The following PKN2 variants were observed in gnomAD, a reference collection of about 807,000 sequenced individuals.
PKN2 encodes the protein serine/threonine-protein kinase N2.
Under a neutral mutation model 119.1 loss-of-function variants are expected in PKN2, and 38 were observed. That is an observed-to-expected ratio of 0.32 (90% CI 0.25 to 0.42). PKN2 has a LOEUF of 0.42. PKN2 is among the 10% of genes least tolerant of loss of function. The pLI is 1.00. For missense variants in PKN2, 850 were observed against 1,165.1 expected (o/e 0.73, Z 3.94); for synonymous variants, 390 against 384.9 (o/e 1.01, Z -0.15).
chr1:88,805,346 C>T (rs2100875086), intron 10 of PKN2, 151 bp from the exon 11 acceptor site: 2 of 614,170 alleles, frequency 3.3e-6, no homozygotes, highest in Non-Finnish European at 2.7e-6. Flanking sequence ...TTAGCCTTTA[C>T]TAGCAAATAG....
chr1:88,770,857 T>C (rs975632447), intron 4 of PKN2, among the ~76,000 whole-genome samples: 20 of 151,034 alleles, frequency 1.3e-4, no homozygotes, highest in Non-Finnish European at 2.7e-4. Flanking sequence ...AGTGCTGGGA[T>C]TACAGGCGTG....
intron 15 of PKN2, among the ~76,000 whole-genome samples, chr1:88,810,410 C>A (rs1423859157): frequency 1.2e-4 from 19 of 152,030 alleles, no homozygotes; most frequent in Non-Finnish European, 4.4e-5. Context: ...GCATGAGCCA[C>A]CACACCCGGC....
chr1:88,768,093 T>C (rs575391431), intron 3 of PKN2, among the ~76,000 whole-genome samples: 1 of 152,362 alleles, frequency 6.6e-6, no homozygotes, highest in East Asian at 1.9e-4. Context: ...AACTTGATGC[T>C]TAATCAATTT....
chr1:88,790,500 A>G (rs1670779637), intron 8 of PKN2, among the ~76,000 whole-genome samples: 1 of 152,160 alleles, frequency 6.6e-6, no homozygotes, highest in Admixed American at 6.5e-5. Flanking sequence ...TGTAATTATT[A>G]TTTAGCCTCA....
Position 88,760,388 on chromosome 1 carries a change from TA to T in PKN2, c.504+14del. On this transcript the variant is annotated intron_variant, in intron 3 of 21. Coordinates refer to ENST00000370521, the MANE Select transcript of PKN2 (RefSeq NM_006256.4). ...ATGGATCTTCAAAGGTAAGTGTAGT[TA>T]ATAAATGTAACTATATAGTCAGTCA... 1 of 1,398,012 alleles carries T rather than the reference TA, an allele frequency of 7.2e-7. No individual in the cohort carries two copies. Among genetic ancestry groups the T allele is most frequent in the Non-Finnish European group, 9.9e-7 (1 of 1,010,322 alleles). The allele number at this position is 1,398,012 out of a possible 1,614,324, so 86.6% of individuals were successfully genotyped here.
At chr1:88,696,629 A>C (rs780068203) in intron 1 of PKN2, among the ~76,000 whole-genome samples, 13 of 152,160 alleles carry the variant, frequency 8.5e-5, no homozygotes, top group Non-Finnish European at 1.8e-4. Context: ...TAGTCAGTGG[A>C]ACATGTGTCC....
intron 1 of PKN2, among the ~76,000 whole-genome samples, chr1:88,739,210 T>C (rs766057070): frequency 6.6e-6 from 1 of 152,148 alleles, no homozygotes; most frequent in African/African-American, 2.4e-5. Flanking sequence ...ACGTGTTTCA[T>C]GCCTGTAAAC....
chr1:88,832,387 C>G (rs889199815), intron 19 of PKN2, among the ~76,000 whole-genome samples: 2 of 151,218 alleles, frequency 1.3e-5, no homozygotes, highest in African/African-American at 4.8e-5. Context: ...AATTGACTGT[C>G]TGGCCAAATA....
At chr1:88,810,911 T>G (rs1671757847) in intron 15 of PKN2, among the ~76,000 whole-genome samples, 2 of 152,140 alleles carry the variant, frequency 1.3e-5, no homozygotes, top group African/African-American at 4.8e-5. Context: ...CTGGCCTACT[T>G]TATGATTCTT....
At chr1:88,824,894 G>T (rs1339992936) in intron 18 of PKN2, among the ~76,000 whole-genome samples, 4 of 152,216 alleles carry the variant, frequency 2.6e-5, no homozygotes, top group Non-Finnish European at 5.9e-5. Flanking sequence ...ACAGTTCTAG[G>T]TTTGAATCGT....
In PKN2 at chr1:88,828,476, T is replaced by C; in HGVS notation, c.2420-5T>C. ...TAACAAATGTTTACATTTTATCTTT[T>C]CCAGGAATGGGATATGGAGATAGAA... On this transcript the variant is annotated splice_region_variant and splice_polypyrimidine_tract_variant and intron_variant, in intron 18 of 21. Coordinates refer to ENST00000370521, the MANE Select transcript of PKN2 (RefSeq NM_006256.4). 6.3e-7 allele frequency: 1 copy of C among 1,582,728 alleles called. No individual in the cohort carries two copies. Among genetic ancestry groups the C allele is most frequent in the Non-Finnish European group, 8.6e-7 (1 of 1,158,488 alleles).
chr1:88,771,298 T>G (rs1357309425), intron 4 of PKN2, 123 bp from the exon 5 acceptor site: 6 of 584,756 alleles, frequency 1.0e-5, no homozygotes, highest in African/African-American at 1.9e-5. Flanking sequence ...TATTTCAGTG[T>G]TTATTGATGT....
chr1:88,796,411 C>T (rs1488093029), intron 8 of PKN2, among the ~76,000 whole-genome samples: 2 of 152,160 alleles, frequency 1.3e-5, no homozygotes, highest in African/African-American at 4.8e-5. Flanking sequence ...AGACCAAATT[C>T]TACTCCAAGT....
rs747369115 is a variant in PKN2, at chr1:88,805,623, C to A, written c.1628C>A (p.Thr543Lys). The change falls in exon 11 of 22, where the codon ACA becomes AAA. Residue 543 changes from threonine to lysine, a missense_variant. This residue lies in a region of PKN2 where 216 missense variants were observed against 252.8 expected (regional missense o/e 0.85). Transcript: ENST00000370521. ...AGCCCTCAAGCTCCTGTGCCTACTA[C>A]AGTGCCAGTGGTTGATGTACGCATC... is the stretch of plus-strand genomic sequence containing the variant. ...TFSPQAPVPT[T>K]VPVVDVRIPQ... is the part of the protein sequence containing the mutation. The A allele has an allele frequency of 6.2e-7, 1 of 1,614,110 alleles. No individual in the cohort carries two copies.
In PKN2 at chr1:88,833,626, T is replaced by G. The variant is rs1672822108; in HGVS notation, c.*178T>G. 1 of 581,554 alleles carries G rather than the reference T, an allele frequency of 1.7e-6. No homozygotes were observed. The highest frequency in any genetic ancestry group is 3.2e-5 in the Admixed American group (1 of 31,288). The allele number at this position is 581,554 out of a possible 1,614,324, so 36.0% of individuals were successfully genotyped here. A position where few individuals can be genotyped will look rare whatever the true frequency, so the allele number is the denominator to read the frequency against. On this transcript the variant is annotated 3_prime_UTR_variant, in exon 22 of 22. Coordinates refer to ENST00000370521, the MANE Select transcript of PKN2 (RefSeq NM_006256.4). ...CTAATACTTCTTCAAAAGTGGCTCC[T>G]CATTGTACTTCAGCGTAAATATGAG...
At chr1:88,772,486 T>A (rs1413556995) in intron 6 of PKN2, among the ~76,000 whole-genome samples, 1 of 152,210 alleles carries the variant, frequency 6.6e-6, no homozygotes, top group Non-Finnish European at 1.5e-5. Context: ...GTAAGTATAA[T>A]ATAATATAAA....
intron 2 of PKN2, among the ~76,000 whole-genome samples, chr1:88,753,011 C>T (rs1314094109): frequency 1.3e-5 from 2 of 151,624 alleles, no homozygotes; most frequent in Non-Finnish European, 2.9e-5. Context: ...ATTAAAAGTT[C>T]GATTGTTTTG....
chr1:88,801,775 C>T (rs1053208791), intron 8 of PKN2, among the ~76,000 whole-genome samples: 1 of 152,214 alleles, frequency 6.6e-6, no homozygotes, highest in African/African-American at 2.4e-5. Flanking sequence ...GCGTGCCCCT[C>T]GCAAATGGAA....
chr1:88,749,943 C>T (rs1400497319), intron 2 of PKN2, among the ~76,000 whole-genome samples: 2 of 152,122 alleles, frequency 1.3e-5, no homozygotes, highest in Admixed American at 1.3e-4. Flanking sequence ...GAATTTTGGA[C>T]ATAGAGAGCC....
Sources: allele counts gnomAD v4.1 joint callset (sites outside exome capture counted in the v4.1 genomes callset), GRCh38; gene constraint gnomAD v4.1.1; regional missense constraint gnomAD v4.1.1; transcripts MANE v1.5; gene names NCBI Gene and HGNC (gene_info 2026-07-23, HGNC 2026-07-21).